The following LRMDA variants were observed in gnomAD, a reference collection of about 807,000 sequenced individuals.
LRMDA encodes the protein leucine-rich melanocyte differentiation-associated protein.
Under a neutral mutation model 29.8 loss-of-function variants are expected in LRMDA, and 18 were observed. That is an observed-to-expected ratio of 0.60 (90% CI 0.42 to 0.90). The LOEUF (loss-of-function observed/expected upper bound fraction) is 0.90, where lower values mean the gene tolerates loss of function less well. LRMDA is among the 40% of genes least tolerant of loss of function. LRMDA has a pLI of 0.00. For missense variants in LRMDA, 273 were observed against 273.9 expected (o/e 1.00, Z 0.02); for synonymous variants, 125 against 109.4 (o/e 1.14, Z -0.89).
At chr10:75,977,453 G>A (rs1847093259) in intron 2 of LRMDA, among the ~76,000 whole-genome samples, 1 of 152,202 alleles carries the variant, frequency 6.6e-6, no homozygotes, top group Admixed American at 6.5e-5. Context: ...AGGGCATCTG[G>A]GGAGCTGAGT....
intron 5 of LRMDA, among the ~76,000 whole-genome samples, chr10:76,146,599 G>T (rs1049422459): frequency 6.6e-6 from 1 of 152,090 alleles, no homozygotes; most frequent in Non-Finnish European, 1.5e-5. Context: ...ACGTGAGATG[G>T]GTTTCCTGAA....
intron 2 of LRMDA, among the ~76,000 whole-genome samples, chr10:75,618,378 C>CTATATATATATATA: frequency 1.6e-5 from 1 of 62,626 alleles, no homozygotes; most frequent in African/African-American, 5.3e-5. Context: ...CTCTCTCTCT[C>CTATATATATATATA]TCTCTATATA....
intron 2 of LRMDA, among the ~76,000 whole-genome samples, chr10:75,950,101 C>T (rs1465153550): frequency 6.6e-6 from 1 of 152,216 alleles, no homozygotes; most frequent in Non-Finnish European, 1.5e-5. Flanking sequence ...GTTGCCCTCC[C>T]TGTTCAGCCC....
chr10:76,287,037 T>C (rs1840280337), intron 5 of LRMDA, among the ~76,000 whole-genome samples: 1 of 152,126 alleles, frequency 6.6e-6, no homozygotes, highest in Admixed American at 6.6e-5. Flanking sequence ...ATATAATTAT[T>C]TATGCTGGAA....
intron 6 of LRMDA, among the ~76,000 whole-genome samples, chr10:76,353,007 T>C (rs1841196305): frequency 6.6e-6 from 1 of 152,136 alleles, no homozygotes. Context: ...TATATCCAGC[T>C]TGAGTACTTC....
At chr10:76,505,588 G>A (rs1381397560) in intron 6 of LRMDA, among the ~76,000 whole-genome samples, 1 of 152,046 alleles carries the variant, frequency 6.6e-6, no homozygotes, top group Admixed American at 6.6e-5. Context: ...AATTCTCATA[G>A]TGAATTTTTT....
At chr10:76,008,492 T>C (rs1847714226) in intron 2 of LRMDA, among the ~76,000 whole-genome samples, 2 of 152,220 alleles carry the variant, frequency 1.3e-5, no homozygotes, top group South Asian at 4.1e-4. Flanking sequence ...AAACAAACAC[T>C]GTTTGCCTTC....
chr10:76,182,042 C>G (rs1851059133), intron 5 of LRMDA, among the ~76,000 whole-genome samples: 1 of 152,136 alleles, frequency 6.6e-6, no homozygotes, highest in African/African-American at 2.4e-5. Context: ...CTAGCAATAC[C>G]TACCTCAGGC....
chr10:75,537,512 G>A (rs1839964207), intron 2 of LRMDA, among the ~76,000 whole-genome samples: 2 of 152,338 alleles, frequency 1.3e-5, no homozygotes, highest in South Asian at 4.1e-4. Flanking sequence ...TCTCAGCACA[G>A]TGCCTGGCAT....
At chr10:76,067,872 T>C (rs1198009465) in intron 5 of LRMDA, among the ~76,000 whole-genome samples, 1 of 152,164 alleles carries the variant, frequency 6.6e-6, no homozygotes, top group Admixed American at 6.5e-5. Context: ...CTCTACAGCT[T>C]AATAGAGCTC....
chr10:75,853,171 G>A lies in LRMDA; in HGVS notation c.132-182837G>A, dbSNP rs144907215. On this transcript the variant is annotated intron_variant, in intron 2 of 6. Transcript: ENST00000611255. ...CAGTACAAGCTGAGATTTGGATGGG[G>A]ACACAGCCAAACCATATCAGAAGTG... 1.9e-3 allele frequency among the ~76,000 whole-genome samples: 287 copies of A among 152,220 alleles called. 2 individuals are homozygous for A. Among genetic ancestry groups the A allele is most frequent in the African/African-American group, 6.6e-3 (276 of 41,536 alleles).
At chr10:76,348,092 A>G (rs1228060889) in intron 6 of LRMDA, among the ~76,000 whole-genome samples, 1 of 152,196 alleles carries the variant, frequency 6.6e-6, no homozygotes, top group Non-Finnish European at 1.5e-5. Context: ...TGCTCAGTGC[A>G]GGGGATAGAC....
At chr10:76,199,695 T>C (rs1469533965) in intron 5 of LRMDA, among the ~76,000 whole-genome samples, 2 of 152,158 alleles carry the variant, frequency 1.3e-5, no homozygotes, top group African/African-American at 4.8e-5. Flanking sequence ...TAGAGGACAA[T>C]AATAAAATTG....
chr10:76,153,548 C>T (rs964538444), intron 5 of LRMDA, among the ~76,000 whole-genome samples: 3 of 152,068 alleles, frequency 2.0e-5, no homozygotes, highest in African/African-American at 7.2e-5. Flanking sequence ...ATCCAGTTCT[C>T]CCAGTATTAT....
At chr10:75,870,492 T>G (rs1245185138) in intron 2 of LRMDA, among the ~76,000 whole-genome samples, 1 of 152,226 alleles carries the variant, frequency 6.6e-6, no homozygotes, top group African/African-American at 2.4e-5. Context: ...CCCTTATTCC[T>G]TAGACCTTTG....
intron 6 of LRMDA, among the ~76,000 whole-genome samples, chr10:76,504,729 A>G (rs1267226300): frequency 6.6e-6 from 1 of 151,924 alleles, no homozygotes; most frequent in Non-Finnish European, 1.5e-5. Flanking sequence ...GATGGCAGAG[A>G]GTTTGATCTT....
At chr10:76,515,049 A>T (rs1029576382) in intron 6 of LRMDA, among the ~76,000 whole-genome samples, 76 of 152,294 alleles carry the variant, frequency 5.0e-4, no homozygotes, top group African/African-American at 1.8e-3. Context: ...ATTGAAAAAA[A>T]ATGAGCTGTC....
rs929898836 is a variant in LRMDA at position 76,422,392 on chromosome 10, A to T, written c.601+97907A>T. 2.0e-5 allele frequency among the ~76,000 whole-genome samples: 3 copies of T among 151,938 alleles called. No homozygotes were observed. In the East Asian group the frequency reaches 5.8e-4, roughly 29 times the overall value. On this transcript the variant is annotated intron_variant, in intron 6 of 6. Coordinates refer to ENST00000611255, the MANE Select transcript of LRMDA (RefSeq NM_001305581.2). The stretch of plus-strand genomic sequence containing the variant: ...ATTTTTAGTTTTTCTCAGTGGGAGC[A>T]TTGGTCTTCAGCCAGCTAGTCTATC...
At position 76,221,073 on chromosome 10, in the gene LRMDA, C is replaced by G. The variant is rs375556482; in HGVS notation, c.517-103328C>G. Among the ~76,000 whole-genome samples, 536 of 151,850 alleles carry G rather than the reference C, an allele frequency of 3.5e-3. 4 individuals are homozygous for G. The highest frequency in any genetic ancestry group is 0.011 in the African/African-American group (455 of 41,374). On this transcript the variant is annotated intron_variant, in intron 5 of 6. Coordinates refer to ENST00000611255, the MANE Select transcript of LRMDA (RefSeq NM_001305581.2). ...AAGGCGTTTGACAAAATTCAACAAC[C>G]CTTCATGCTAAAAACTCTCAATAAA...
Sources: allele counts gnomAD v4.1 joint callset (sites outside exome capture counted in the v4.1 genomes callset), GRCh38; gene constraint gnomAD v4.1.1; transcripts MANE v1.5; gene names NCBI Gene and HGNC (gene_info 2026-07-23, HGNC 2026-07-21).